PIK3R3: variants seen among roughly 807,000 people sequenced by gnomAD.
PIK3R3 encodes phosphatidylinositol 3-kinase regulatory subunit gamma.
Under a neutral mutation model 62.9 loss-of-function variants are expected in PIK3R3, and 64 were observed. The observed-to-expected ratio is 1.02, with a 90% CI of 0.83 to 1.25. PIK3R3 has a LOEUF of 1.25. Ranked by LOEUF, PIK3R3 falls within the 50% of genes most tolerant of loss-of-function variation. The probability of loss-of-function intolerance (pLI) is 0.00; values close to 1 mark genes in which losing one functional copy is unlikely to be tolerated. For synonymous variants in PIK3R3, 165 were observed against 189.0 expected (o/e 0.87, Z 1.04); for missense variants, 614 against 561.6 (o/e 1.09, Z -0.94).
At chr1:46,140,689 G>A in the PIK3R3 span, among the ~76,000 whole-genome samples, 7 of 152,132 alleles carry the variant, frequency 4.6e-5, no homozygotes, top group Admixed American at 1.3e-4. Flanking sequence ...ACTAAGAATT[G>A]CTTGCAACCC....
intron 1 of PIK3R3, among the ~76,000 whole-genome samples, chr1:46,128,629 A>G (rs1394302232): frequency 6.6e-6 from 1 of 152,190 alleles, no homozygotes; most frequent in East Asian, 1.9e-4. Flanking sequence ...CTTATTTACT[A>G]ATTAAACATA....
Position 46,068,699 on chromosome 1 carries a change from G to T in PIK3R3, c.315-1608C>A, listed in dbSNP as rs189296130. 3.0e-3 allele frequency among the ~76,000 whole-genome samples: 453 copies of T among 152,256 alleles called. 1 individual carries two copies. Among genetic ancestry groups the T allele is most frequent in the Non-Finnish European group, 4.3e-3 (293 of 68,008 alleles). On this transcript the variant is annotated intron_variant, in intron 3 of 9. Transcript: ENST00000262741. ...AGAGAGGTGCGGTAAGGGCATGCTT[G>T]GCATGTTCGAGGAACAGCAAGAAGG...
At position 46,132,144 on chromosome 1, in the gene PIK3R3, A is replaced by C; in HGVS notation, c.-192T>G. ...CCCCTCTCTCCTACAGAACACAACA[A>C]AATGCCCCCGAACTTTCAAGCTATG... On this transcript the variant is annotated 5_prime_UTR_variant, in exon 1 of 10. Coordinates refer to ENST00000262741, the MANE Select transcript of PIK3R3 (RefSeq NM_003629.4). 2 of 1,362,404 alleles carry C rather than the reference A, an allele frequency of 1.5e-6. No homozygotes were observed. The highest frequency in any genetic ancestry group is 9.5e-7 in the Non-Finnish European group (1 of 1,056,850). 84.4% of individuals were successfully genotyped at this position (1,362,404 alleles called of 1,614,324 possible). A position where few individuals can be genotyped will look rare whatever the true frequency, so the allele number is the denominator to read the frequency against.
chr1:46,051,395 G>C (rs1647332681), intron 7 of PIK3R3, among the ~76,000 whole-genome samples: 1 of 151,938 alleles, frequency 6.6e-6, no homozygotes, highest in African/African-American at 2.4e-5. Flanking sequence ...CCACTAGCTG[G>C]GATTACAGGC....
At chr1:46,101,623 G>A (rs986138327) in intron 1 of PIK3R3, among the ~76,000 whole-genome samples, 1 of 152,144 alleles carries the variant, frequency 6.6e-6, no homozygotes, top group Admixed American at 6.5e-5. Context: ...AATGAGTAAC[G>A]TTCTGATACA....
At chr1:46,111,938 T>C (rs1391995596) in intron 1 of PIK3R3, among the ~76,000 whole-genome samples, 1 of 152,184 alleles carries the variant, frequency 6.6e-6, no homozygotes, top group African/African-American at 2.4e-5. Flanking sequence ...CAAAATAAAA[T>C]AGCAATTCCA....
At chr1:46,072,991 C>G (rs960150443) in intron 3 of PIK3R3, among the ~76,000 whole-genome samples, 1 of 151,694 alleles carries the variant, frequency 6.6e-6, no homozygotes, top group Non-Finnish European at 1.5e-5. Context: ...GGCATCCATT[C>G]TCTAATGCTT....
chr1:46,091,213 T>C (rs924660523), intron 1 of PIK3R3, among the ~76,000 whole-genome samples: 2 of 150,556 alleles, frequency 1.3e-5, no homozygotes, highest in Non-Finnish European at 1.5e-5. Flanking sequence ...CAATCTCGGC[T>C]CACTGCAACC....
chr1:46,064,413 C>T (rs955751669), intron 5 of PIK3R3, among the ~76,000 whole-genome samples: 4 of 148,508 alleles, frequency 2.7e-5, no homozygotes, highest in Non-Finnish European at 6.0e-5. Context: ...TGGTGGTGCA[C>T]GCCTGTAATC....
At chr1:46,127,495 C>T (rs113063797) in intron 1 of PIK3R3, among the ~76,000 whole-genome samples, 11 of 151,866 alleles carry the variant, frequency 7.2e-5, no homozygotes, top group South Asian at 2.1e-4. Context: ...ACAATAACAA[C>T]GTCAAAACTA....
chr1:46,134,302 T>TA (rs531239036), upstream of PIK3R3, among the ~76,000 whole-genome samples: 87 of 152,258 alleles, frequency 5.7e-4, no homozygotes, highest in East Asian at 0.013. Flanking sequence ...CTGCCTTCCT[T>TA]AAAGATGCCC....
chr1:46,070,698 T>C (rs922138704), intron 3 of PIK3R3, among the ~76,000 whole-genome samples: 1 of 152,198 alleles, frequency 6.6e-6, no homozygotes, highest in Non-Finnish European at 1.5e-5. Context: ...CTGAATTTAA[T>C]ACCGTGTTGG....
At chr1:46,093,495 T>G (rs1159933261) in intron 1 of PIK3R3, among the ~76,000 whole-genome samples, 1 of 152,192 alleles carries the variant, frequency 6.6e-6, no homozygotes, top group Non-Finnish European at 1.5e-5. Context: ...ACAAATATCT[T>G]TGATATGAAA....
intron 1 of PIK3R3, among the ~76,000 whole-genome samples, chr1:46,118,669 C>T (rs1242271633): frequency 6.6e-6 from 1 of 151,398 alleles, no homozygotes; most frequent in East Asian, 1.9e-4. Flanking sequence ...GATTCTGCTG[C>T]CTCAGCCTCC....
intron 5 of PIK3R3, among the ~76,000 whole-genome samples, chr1:46,064,474 G>A (rs1648814910): frequency 6.6e-6 from 1 of 152,092 alleles, no homozygotes; most frequent in African/African-American, 2.4e-5. Flanking sequence ...CCGGGAGGCG[G>A]AGGTTGCAGT....
At chr1:46,081,245 G>A (rs966630725) in intron 1 of PIK3R3, among the ~76,000 whole-genome samples, 1 of 152,262 alleles carries the variant, frequency 6.6e-6, no homozygotes, top group East Asian at 1.9e-4. Flanking sequence ...TAGAATTAGA[G>A]CTACAGATAT....
chr1:46,061,076 T>C (rs1253033835), intron 6 of PIK3R3, among the ~76,000 whole-genome samples: 1 of 152,220 alleles, frequency 6.6e-6, no homozygotes, highest in Non-Finnish European at 1.5e-5. Flanking sequence ...AAATCCTTTC[T>C]ATACCAAGTT....
At chr1:46,094,359 G>A (rs1261784389) in intron 1 of PIK3R3, among the ~76,000 whole-genome samples, 1 of 152,106 alleles carries the variant, frequency 6.6e-6, no homozygotes, top group African/African-American at 2.4e-5. Context: ...TATAATCTTA[G>A]ATGCAGAATA....
intron 3 of PIK3R3, among the ~76,000 whole-genome samples, chr1:46,069,085 A>T: frequency 6.6e-6 from 1 of 152,180 alleles, no homozygotes; most frequent in East Asian, 1.9e-4. Context: ...ACATATTTTG[A>T]AGATAGAGCT....
Sources: gnomAD v4.1 joint callset for allele counts (sites outside exome capture counted in the v4.1 genomes callset) on GRCh38, gnomAD v4.1.1 for gene constraint, MANE v1.5 for transcripts, NCBI Gene and HGNC (gene_info 2026-07-23, HGNC 2026-07-21) for gene names.